The following GABRB3 variants were observed in gnomAD, a reference collection of about 807,000 sequenced individuals.
GABRB3 encodes the protein gamma-aminobutyric acid receptor subunit beta-3.
GABRB3 carries 14 observed loss-of-function variants against 52.1 expected under a neutral mutation model. That is an observed-to-expected ratio of 0.27 (90% CI 0.18 to 0.42). The LOEUF is 0.42. Ranked by LOEUF, GABRB3 falls within the 10% of genes least tolerant of loss-of-function variation. The probability of loss-of-function intolerance (pLI) is 1.00; values close to 1 mark genes in which losing one functional copy is unlikely to be tolerated. For synonymous variants in GABRB3, 260 were observed against 232.3 expected, an observed-to-expected ratio of 1.12 and a Z score of -1.08; for missense variants, 307 against 609.1, an observed-to-expected ratio of 0.50 and a Z score of 5.22.
chr15:26,740,943 A>G (rs932209092), intron 3 of GABRB3, among the ~76,000 whole-genome samples: 7 of 152,092 alleles, frequency 4.6e-5, no homozygotes, highest in Non-Finnish European at 8.8e-5. Flanking sequence ...CGGGAGCAGC[A>G]CGGAGCCGAC....
chr15:26,629,366 G>C (rs892666877), intron 3 of GABRB3, among the ~76,000 whole-genome samples: 1 of 152,212 alleles, frequency 6.6e-6, no homozygotes, highest in Non-Finnish European at 1.5e-5. Flanking sequence ...GGCGCTGTGC[G>C]GCGTGGAGAA....
At chr15:26,626,398 C>T (rs1283961730) in intron 3 of GABRB3, among the ~76,000 whole-genome samples, 4 of 152,052 alleles carry the variant, frequency 2.6e-5, no homozygotes, top group African/African-American at 4.8e-5. Context: ...AAGGAAGAGT[C>T]GCCCATCTCT....
At chr15:26,706,439 T>G (rs1006117940) in intron 3 of GABRB3, among the ~76,000 whole-genome samples, 51 of 147,122 alleles carry the variant, frequency 3.5e-4, no homozygotes, top group Non-Finnish European at 6.6e-4. Flanking sequence ...AATTGAGGGG[T>G]TTTTTTTTTC....
intron 3 of GABRB3, among the ~76,000 whole-genome samples, chr15:26,704,955 C>G (rs964275394): frequency 3.9e-5 from 6 of 152,142 alleles, no homozygotes; most frequent in Non-Finnish European, 8.8e-5. Flanking sequence ...TTTTTTCCAG[C>G]GTTCACTTCA....
At chr15:26,608,869 C>T (rs1439518943) in intron 4 of GABRB3, among the ~76,000 whole-genome samples, 1 of 151,924 alleles carries the variant, frequency 6.6e-6, no homozygotes, top group African/African-American at 2.4e-5. Context: ...TTAGTGCAGT[C>T]ATTATGGAAA....
intron 3 of GABRB3, among the ~76,000 whole-genome samples, chr15:26,674,734 C>T (rs1322570912): frequency 6.6e-6 from 1 of 152,092 alleles, no homozygotes; most frequent in African/African-American, 2.4e-5. Context: ...TGTGCCCAAA[C>T]GAGACCTGAA....
At chr15:26,557,152 T>C (rs182565409) in intron 8 of GABRB3, among the ~76,000 whole-genome samples, 59 of 152,274 alleles carry the variant, frequency 3.9e-4, no homozygotes, top group Non-Finnish European at 1.2e-4. Flanking sequence ...GAGGACATTA[T>C]CCTAAGGTAA....
intron 3 of GABRB3, chr15:26,624,793 G>T (rs933882124): frequency 1.0e-6 from 1 of 985,364 alleles, no homozygotes; most frequent in African/African-American, 1.7e-5. Flanking sequence ...AGGGGGTGGT[G>T]GAAAGGTCCA....
At chr15:26,771,446 G>A (rs1006478179) in intron 3 of GABRB3, among the ~76,000 whole-genome samples, 5 of 152,170 alleles carry the variant, frequency 3.3e-5, no homozygotes, top group African/African-American at 1.2e-4. Context: ...TATTCTCAAT[G>A]TTGTATGTCC....
At chr15:26,756,937 C>G (rs1011089568) in intron 3 of GABRB3, among the ~76,000 whole-genome samples, 3 of 152,128 alleles carry the variant, frequency 2.0e-5, no homozygotes, top group Non-Finnish European at 2.9e-5. Context: ...AACTATGTAC[C>G]CAACATGGCT....
intron 3 of GABRB3, among the ~76,000 whole-genome samples, chr15:26,699,484 G>C (rs1317803619): frequency 6.7e-6 from 1 of 150,094 alleles, no homozygotes; most frequent in Admixed American, 6.6e-5. Context: ...AAGTACATCG[G>C]TGAATCAAAA....
At chr15:26,746,324 A>C (rs763522372) in intron 3 of GABRB3, among the ~76,000 whole-genome samples, 2 of 152,016 alleles carry the variant, frequency 1.3e-5, no homozygotes, top group Non-Finnish European at 2.9e-5. Flanking sequence ...GTTACTGCTG[A>C]ATTTTGAGAA....
intron 3 of GABRB3, chr15:26,772,086 TC>T: frequency 3.3e-6 from 1 of 306,554 alleles, no homozygotes; most frequent in Non-Finnish European, 5.9e-6. Flanking sequence ...TCGGGAAACC[TC>T]GGGACCAGGC....
chr15:26,560,817 G>A (rs1028564468), intron 8 of GABRB3, 115 bp downstream of exon 8: 1 of 1,441,652 alleles, frequency 6.9e-7, no homozygotes, highest in South Asian at 1.2e-5. Flanking sequence ...AGTACAAGAA[G>A]GGTGTGTGGC....
chr15:26,661,492 T>G (rs1312021218), intron 3 of GABRB3, among the ~76,000 whole-genome samples: 1 of 152,166 alleles, frequency 6.6e-6, no homozygotes, highest in Non-Finnish European at 1.5e-5. Context: ...ACACGAGGCA[T>G]CCCTTTTCAT....
intron 3 of GABRB3, among the ~76,000 whole-genome samples, chr15:26,638,930 G>C (rs941426607): frequency 1.3e-5 from 2 of 152,096 alleles, no homozygotes; most frequent in Non-Finnish European, 2.9e-5. Flanking sequence ...AGTCTGTTCC[G>C]GTGAGGTGCA....
At chr15:26,638,127 T>C (rs1392764099) in intron 3 of GABRB3, among the ~76,000 whole-genome samples, 2 of 152,198 alleles carry the variant, frequency 1.3e-5, no homozygotes, top group African/African-American at 4.8e-5. Flanking sequence ...TAGTCAATCA[T>C]ATTTCTGGAC....
At chr15:26,573,048 C>T (rs1349863448) in intron 6 of GABRB3, among the ~76,000 whole-genome samples, 1 of 152,134 alleles carries the variant, frequency 6.6e-6, no homozygotes, top group Non-Finnish European at 1.5e-5. Context: ...GTCATGCCAG[C>T]TTTGTAGAGT....
chr15:26,771,120 G>C (rs1891131647), intron 3 of GABRB3, among the ~76,000 whole-genome samples: 1 of 152,126 alleles, frequency 6.6e-6, no homozygotes, highest in Non-Finnish European at 1.5e-5. Flanking sequence ...CTTCCTATAA[G>C]ATCCTTAGTG....
Sources: gnomAD v4.1 joint callset for allele counts (sites outside exome capture counted in the v4.1 genomes callset) on GRCh38, gnomAD v4.1.1 for gene constraint, MANE v1.5 for transcripts, NCBI Gene and HGNC (gene_info 2026-07-23, HGNC 2026-07-21) for gene names.